The following SIL1 variants were observed in gnomAD, a reference collection of about 807,000 sequenced individuals.
SIL1 encodes the protein nucleotide exchange factor SIL1.
Under a neutral mutation model 49.1 loss-of-function variants are expected in SIL1, and 40 were observed. The ratio of observed to expected loss-of-function variants is 0.81; its 90% CI spans 0.63 to 1.06. SIL1 has a LOEUF of 1.06. SIL1 is among the 50% of genes least tolerant of loss of function. The pLI is 0.00. For synonymous variants in SIL1, 253 were observed against 250.8 expected, an observed-to-expected ratio of 1.01 and a Z score of -0.08; for missense variants, 500 against 572.6, an observed-to-expected ratio of 0.87 and a Z score of 1.29.
In SIL1 at chr5:139,055,579, A is replaced by G. The variant is rs188227822; in HGVS notation, c.245-4533T>C. On this transcript the variant is annotated intron_variant, in intron 3 of 9. Coordinates refer to ENST00000394817, the MANE Select transcript of SIL1 (RefSeq NM_022464.5). ...CATGTTCTGCTATTGTCATGAAAAGAACATCACTGACTCTCCCTCTCCCTC... is the reference window on the plus strand; with the variant it reads ...CATGTTCTGCTATTGTCATGAAAAGGACATCACTGACTCTCCCTCTCCCTC... Among the ~76,000 whole-genome samples the G allele has an allele frequency of 1.0e-4, 15 of 149,452 alleles. 1 individual carries two copies. The East Asian group carries it at 2.4e-3, about 24-fold the overall frequency.
intron 3 of SIL1, among the ~76,000 whole-genome samples, chr5:139,100,531 A>T (rs553259544): frequency 1.3e-5 from 2 of 152,376 alleles, no homozygotes; most frequent in East Asian, 3.9e-4. Context: ...AAGGCATGGT[A>T]GAAGGATCAC....
At chr5:139,119,746 G>A (rs1221729385) in intron 3 of SIL1, among the ~76,000 whole-genome samples, 2 of 152,134 alleles carry the variant, frequency 1.3e-5, no homozygotes, top group Non-Finnish European at 2.9e-5. Flanking sequence ...GGGTGACAGA[G>A]CAAGACCCTG....
At chr5:139,129,769 A>G (rs1275059532) in intron 1 of SIL1, among the ~76,000 whole-genome samples, 1 of 152,256 alleles carries the variant, frequency 6.6e-6, no homozygotes, top group African/African-American at 2.4e-5. Flanking sequence ...AGCTAAAAGC[A>G]TAAAACTTAG....
chr5:139,048,696 AAAG>A (rs1390997138), intron 4 of SIL1, among the ~76,000 whole-genome samples: 1 of 152,180 alleles, frequency 6.6e-6, no homozygotes, highest in Admixed American at 6.5e-5. Context: ...TAAGCTAAGA[AAAG>A]AATAGATTGT....
chr5:139,100,670 G>A (rs1770566490), intron 3 of SIL1, among the ~76,000 whole-genome samples: 1 of 152,144 alleles, frequency 6.6e-6, no homozygotes, highest in Admixed American at 6.5e-5. Context: ...GTCAAATTCT[G>A]GATATATTTT....
chr5:139,049,374 A>G (rs148980495), intron 4 of SIL1, among the ~76,000 whole-genome samples: 2 of 152,192 alleles, frequency 1.3e-5, no homozygotes, highest in Admixed American at 6.5e-5. Flanking sequence ...ACAGGGTTTC[A>G]TCATGTTGGC....
intron 7 of SIL1, among the ~76,000 whole-genome samples, chr5:139,018,179 G>C (rs187128710): frequency 6.6e-6 from 1 of 152,160 alleles, no homozygotes; most frequent in East Asian, 1.9e-4. Flanking sequence ...TCTCGATCTT[G>C]GAATAATTGC....
At chr5:139,119,752 C>A (rs945856208) in intron 3 of SIL1, among the ~76,000 whole-genome samples, 7 of 152,100 alleles carry the variant, frequency 4.6e-5, no homozygotes, top group African/African-American at 1.7e-4. Context: ...CAGAGCAAGA[C>A]CCTGTCTCAA....
intron 3 of SIL1, among the ~76,000 whole-genome samples, chr5:139,070,342 G>A (rs1366011293): frequency 6.6e-6 from 1 of 151,946 alleles, no homozygotes; most frequent in Non-Finnish European, 1.5e-5. Flanking sequence ...ATATCGAAGA[G>A]ATTAAATAAA....
At chr5:139,152,258 G>A (rs1016225669) in intron 1 of SIL1, among the ~76,000 whole-genome samples, 2 of 152,218 alleles carry the variant, frequency 1.3e-5, no homozygotes, top group East Asian at 1.9e-4. Flanking sequence ...TTAATGCAAC[G>A]TCAAAGTATC....
chr5:138,990,317 C>T (rs1310202377), intron 7 of SIL1, among the ~76,000 whole-genome samples: 1 of 152,174 alleles, frequency 6.6e-6, no homozygotes, highest in Non-Finnish European at 1.5e-5. Flanking sequence ...CAAACAGCAA[C>T]TCTAACCAGG....
At chr5:138,984,600 C>T (rs995220673) in intron 7 of SIL1, among the ~76,000 whole-genome samples, 1 of 152,106 alleles carries the variant, frequency 6.6e-6, no homozygotes, top group South Asian at 2.1e-4. Flanking sequence ...CTCAGGTGAT[C>T]CACCCACCTT....
At chr5:139,190,391 C>G (rs1022070333) in intron 1 of SIL1, among the ~76,000 whole-genome samples, 5 of 152,206 alleles carry the variant, frequency 3.3e-5, no homozygotes, top group Admixed American at 6.5e-5. Flanking sequence ...AAAAACAGCA[C>G]GACAGCAAAA....
chr5:139,102,666 A>C (rs1770617535), intron 3 of SIL1, among the ~76,000 whole-genome samples: 1 of 151,512 alleles, frequency 6.6e-6, no homozygotes. Context: ...ATAGCACCCA[A>C]GACAGAAAAC....
intron 1 of SIL1, among the ~76,000 whole-genome samples, chr5:139,148,223 C>T (rs889714642): frequency 6.6e-6 from 1 of 151,868 alleles, no homozygotes; most frequent in Non-Finnish European, 1.5e-5. Flanking sequence ...ACAGGGGGTA[C>T]ACAATAGGAT....
At chr5:139,169,861 C>CCCTCTTTCCACGGTCTCCCTCTA in intron 1 of SIL1, among the ~76,000 whole-genome samples, 1 of 149,880 alleles carries the variant, frequency 6.7e-6, no homozygotes, top group Non-Finnish European at 1.5e-5. Flanking sequence ...GTCTCCCTCT[C>CCCTCTTTCCACGGTCTCCCTCTA]CCTCTTTCCA....
At chr5:138,988,208 G>T (rs1767683946) in intron 7 of SIL1, among the ~76,000 whole-genome samples, 1 of 152,196 alleles carries the variant, frequency 6.6e-6, no homozygotes, top group African/African-American at 2.4e-5. Flanking sequence ...AGCTCCTGGT[G>T]GCCATTGTAC....
chr5:138,971,480 T>C (rs1289298915), intron 7 of SIL1, among the ~76,000 whole-genome samples: 1 of 152,190 alleles, frequency 6.6e-6, no homozygotes, highest in Admixed American at 6.5e-5. Flanking sequence ...ACTAAAAGCA[T>C]AGTGAGGAGT....
chr5:139,100,135 T>C (rs548103911), intron 3 of SIL1, among the ~76,000 whole-genome samples: 1 of 152,376 alleles, frequency 6.6e-6, no homozygotes, highest in South Asian at 2.1e-4. Flanking sequence ...TTTATTTAAA[T>C]GAGTTTAGAC....
Sources: allele counts gnomAD v4.1 joint callset (sites outside exome capture counted in the v4.1 genomes callset), GRCh38; gene constraint gnomAD v4.1.1; transcripts MANE v1.5; gene names NCBI Gene and HGNC (gene_info 2026-07-23, HGNC 2026-07-21).